FAM161B: variants seen among roughly 807,000 people sequenced by gnomAD.
FAM161B encodes protein FAM161B.
A neutral mutation model predicts 61.5 loss-of-function variants in FAM161B; 46 were observed. That is an observed-to-expected ratio of 0.75 (90% CI 0.59 to 0.96). The LOEUF is 0.96. Ranked by LOEUF, FAM161B falls within the 40% of genes least tolerant of loss-of-function variation. The pLI is 0.00. For missense variants in FAM161B, 774 were observed against 800.7 expected (o/e 0.97, Z 0.40); for synonymous variants, 284 against 302.7 (o/e 0.94, Z 0.64).
At chr14:73,929,463 A>G (rs2055879610), downstream of FAM161B, among the ~76,000 whole-genome samples, 1 of 152,214 alleles carries the variant, frequency 6.6e-6, no homozygotes, top group African/African-American at 2.4e-5. Flanking sequence ...TATGGATCAA[A>G]GTCTACTGAT....
chr14:73,924,671 C>CTCTTT, the FAM161B span: 2 of 445,948 alleles, frequency 4.5e-6, no homozygotes, highest in East Asian at 7.0e-5. Context: ...GTCTTTTCTC[C>CTCTTT]TCTTTTCTTT....
chr14:73,947,928 T>C (rs1566677011), intron 1 of FAM161B, among the ~76,000 whole-genome samples: 1 of 151,524 alleles, frequency 6.6e-6, no homozygotes, highest in Non-Finnish European at 1.5e-5. Flanking sequence ...CTGAGCAATT[T>C]TTTTTTTTTG....
intron 4 of FAM161B, 81 bp from the exon 5 acceptor site, chr14:73,941,134 A>G (rs2056015163): frequency 2.2e-6 from 3 of 1,348,478 alleles, no homozygotes; most frequent in African/African-American, 1.7e-5. Context: ...TTTTTTTGAG[A>G]CAGAGTCTCG....
intron 1 of FAM161B, among the ~76,000 whole-genome samples, 199 bp downstream of exon 1, chr14:73,949,774 T>C (rs1444155377): frequency 6.6e-6 from 1 of 152,090 alleles, no homozygotes; most frequent in Admixed American, 6.6e-5. Flanking sequence ...GAAAACTGAG[T>C]GACATTGCCT....
rs1323833697 is a variant in FAM161B, at chr14:73,944,870, C to A, written c.390G>T (p.Arg130Ser). The A allele has an allele frequency of 3.3e-6, 5 of 1,515,630 alleles. No homozygotes were observed. Among genetic ancestry groups the A allele is most frequent in the Non-Finnish European group, 4.4e-6 (5 of 1,133,282 alleles). 93.9% of individuals were successfully genotyped at this position (1,515,630 alleles called of 1,614,324 possible). A position where few individuals can be genotyped will look rare whatever the true frequency, so the allele number is the denominator to read the frequency against. ...CPQALRCGST[R>S]RCSSLNNLPS... ...GAAGGTTGTTCAGGGAGCTGCAGCG[C>A]CTTGTGGAGCCACACCTGGGAAAAA... The change falls in exon 3 of 9, where the codon AGG (arginine) becomes AGT (serine). Residue 130 changes from arginine (R) to serine (S), a missense_variant. Physicochemically the swap from Arg to Ser is moderately radical, Grantham distance 110. Coordinates refer to ENST00000286544, the MANE Select transcript of FAM161B (RefSeq NM_152445.3).
downstream of FAM161B, among the ~76,000 whole-genome samples, chr14:73,929,810 C>CT (rs1303680116): frequency 5.4e-5 from 8 of 149,014 alleles, no homozygotes; most frequent in Non-Finnish European, 1.0e-4. Context: ...GAGCCAAACT[C>CT]TTTAAAAAAA....
chr14:73,949,944 C>G (rs765101227), intron 1 of FAM161B, 29 bp downstream of exon 1: 9 of 1,612,188 alleles, frequency 5.6e-6, no homozygotes, highest in Non-Finnish European at 7.6e-6. Context: ...GGATTCCTTT[C>G]CCGGGGGCAG....
chr14:73,928,935 T>C (rs1043614063), downstream of FAM161B, among the ~76,000 whole-genome samples: 3 of 152,026 alleles, frequency 2.0e-5, no homozygotes, highest in East Asian at 1.9e-4. Flanking sequence ...GGAGAGATCC[T>C]ATCCCAAAAA....
At chr14:73,925,297 T>C in the FAM161B span, among the ~76,000 whole-genome samples, 1 of 152,196 alleles carries the variant, frequency 6.6e-6, no homozygotes, top group African/African-American at 2.4e-5. Context: ...ATTTTTCTTG[T>C]CTTCATTTTT....
At chr14:73,946,247 G>C (rs770576966) in intron 2 of FAM161B, 39 bp downstream of exon 2, 2 of 1,585,162 alleles carry the variant, frequency 1.3e-6, no homozygotes, top group Non-Finnish European at 1.7e-6. Flanking sequence ...CCTGTGTGGA[G>C]GTGTGGAGTG....
chr14:73,936,058 A>G lies in FAM161B; in HGVS notation c.1696T>C (p.Tyr566His). 4.3e-6 allele frequency: 7 copies of G among 1,612,492 alleles called. No homozygotes were observed. The highest frequency in any genetic ancestry group is 5.9e-6 in the Non-Finnish European group (7 of 1,179,092). ...DLAKKEAEQW[Y>H]LDTLKQAGLE... ...CCAGCCTGCTTCAGGGTGTCTAGAT[A>G]CCACTGTTCTGCTTCTTTCTTGGCT... The change falls in exon 8 of 9, where the codon TAT (tyrosine) becomes CAT (histidine). Residue 566 changes from tyrosine to histidine, a missense_variant. By Grantham distance (83) the Tyr-to-His change is moderately conservative. Coordinates refer to ENST00000286544, the MANE Select transcript of FAM161B (RefSeq NM_152445.3).
At chr14:73,931,635 G>T, downstream of FAM161B, 1 of 1,182,606 alleles carries the variant, frequency 8.5e-7, no homozygotes, top group South Asian at 1.3e-5. Context: ...GAACCAGAAT[G>T]AATCTTTGAA....
intron 4 of FAM161B, 51 bp from the exon 5 acceptor site, chr14:73,941,104 CTATCTT>C: frequency 9.7e-7 from 1 of 1,034,078 alleles, no homozygotes; most frequent in South Asian, 1.5e-5. Context: ...TGATTAGTTT[CTATCTT>C]TTTTTTTTTT....
chr14:73,924,683 C>CT, the FAM161B span: 66,106 of 329,996 alleles, frequency 0.2, 1,552 homozygotes, highest in Admixed American at 0.27. Context: ...CTTTTCTTTT[C>CT]TTTTTTTTTT....
At position 73,932,621 on chromosome 14, in the gene FAM161B, C is replaced by T. The variant is rs556831483; in HGVS notation, c.*1635G>A. 3.2e-5 allele frequency: 12 copies of T among 380,882 alleles called. No individual in the cohort carries two copies. Among genetic ancestry groups the T allele is most frequent in the Non-Finnish European group, 6.1e-5 (12 of 196,286 alleles). 23.6% of individuals were successfully genotyped at this position (380,882 alleles called of 1,614,324 possible). A position where few individuals can be genotyped will look rare whatever the true frequency, so the allele number is the denominator to read the frequency against. On this transcript the variant is annotated 3_prime_UTR_variant, in exon 9 of 9. Transcript: ENST00000286544. ...GTCTCCACAGCTACTGAGAAAATAT[C>T]CACTCATCATCATTATGATTTGAGA...
chr14:73,940,863 G>A, intron 5 of FAM161B, 63 bp downstream of exon 5: 1 of 1,548,400 alleles, frequency 6.5e-7, no homozygotes, highest in South Asian at 1.2e-5. Flanking sequence ...CCCCTTGGCA[G>A]GGAGGTTTCC....
rs771989357 is a variant in FAM161B, at chr14:73,944,409, T to C, written c.851A>G (p.Lys284Arg). 1 of 1,611,248 alleles carries C rather than the reference T, an allele frequency of 6.2e-7. No homozygotes were observed. Among genetic ancestry groups the C allele is most frequent in the Admixed American group, 1.7e-5 (1 of 59,938 alleles). The change falls in exon 3 of 9, where the codon AAG becomes AGG. Residue 284 changes from lysine (K) to arginine (R), a missense_variant. Transcript: ENST00000286544. ...TCTGGTGGCCTTCTGCTTGGAGATC[T>C]TGGCTTCAGCTGTGGCTGCCAAGTC... ...QRDLAATAEA[K>R]ISKQKATRRI... is the part of the protein sequence containing the mutation.
chr14:73,949,988 C>T lies in FAM161B; in HGVS notation c.39G>A (p.Ala13=). The change falls in exon 1 of 9, where the codon GCG becomes GCA. Residue 13 remains alanine, a synonymous_variant. Coordinates refer to ENST00000286544, the MANE Select transcript of FAM161B (RefSeq NM_152445.3). ...CTCTCCTCACCTGACGGCTCCCCTC[C>T]GCGCCTCCGGGGGCTCCCTCAGGCC... The part of the protein sequence containing the change: ...VGRPEGAPGG[A]EGSRQIFPPE... The T allele has an allele frequency of 6.2e-7, 1 of 1,613,526 alleles. No homozygotes were observed. The highest frequency in any genetic ancestry group is 1.3e-5 in the African/African-American group (1 of 75,048).
In FAM161B at chr14:73,944,862, C is replaced by G; in HGVS notation, c.398G>C (p.Ser133Thr). ...GTTGGAGGGAAGGTTGTTCAGGGAGCTGCAGCGCCTTGTGGAGCCACACCT... is the reference window on the plus strand; with the variant it reads ...GTTGGAGGGAAGGTTGTTCAGGGAGGTGCAGCGCCTTGTGGAGCCACACCT... ...ALRCGSTRRC[S>T]SLNNLPSNIP... The change falls in exon 3 of 9, where the codon AGC becomes ACC. Residue 133 changes from serine (S) to threonine (T), a missense_variant. Coordinates refer to ENST00000286544, the MANE Select transcript of FAM161B (RefSeq NM_152445.3). The G allele has an allele frequency of 6.6e-7, 1 of 1,521,412 alleles. No homozygotes were observed. The highest frequency in any genetic ancestry group is 1.4e-5 in the African/African-American group (1 of 71,976). The allele number at this position is 1,521,412 out of a possible 1,614,324, so 94.2% of individuals were successfully genotyped here. A position where few individuals can be genotyped will look rare whatever the true frequency, so the allele number is the denominator to read the frequency against.
Sources: gnomAD v4.1 joint callset for allele counts (sites outside exome capture counted in the v4.1 genomes callset) on GRCh38, gnomAD v4.1.1 for gene constraint, MANE v1.5 for transcripts, NCBI Gene and HGNC (gene_info 2026-07-23, HGNC 2026-07-21) for gene names.